The following ADARB2 variants were observed in gnomAD, a reference collection of about 807,000 sequenced individuals.
ADARB2 encodes inactive double-stranded RNA-specific editase B2.
A neutral mutation model predicts 62.2 loss-of-function variants in ADARB2; 25 were observed. That is an observed-to-expected ratio of 0.40 (90% CI 0.29 to 0.56). The LOEUF (loss-of-function observed/expected upper bound fraction) is 0.56. Ranked by LOEUF, ADARB2 falls within the 20% of genes least tolerant of loss-of-function variation. The pLI is 0.43. For synonymous variants in ADARB2, 572 were observed against 500.8 expected (o/e 1.14, Z -1.90); for missense variants, 1,071 against 1,077.4 (o/e 0.99, Z 0.08).
At chr10:1,542,846 C>T (rs3106881) in intron 1 of ADARB2, among the ~76,000 whole-genome samples, 1,580 of 75,730 alleles carry the variant, frequency 0.021, 24 homozygotes, top group African/African-American at 0.093. Context: ...ATCACAGCCG[C>T]CCAGACCCCA....
At chr10:1,499,664 G>A (rs901871910) in intron 1 of ADARB2, among the ~76,000 whole-genome samples, 3 of 149,564 alleles carry the variant, frequency 2.0e-5, no homozygotes, top group Non-Finnish European at 3.0e-5. Context: ...CTCATTACTC[G>A]TCACTCACCC....
chr10:1,255,040 TA>T lies in ADARB2; in HGVS notation c.1193-12742del, dbSNP rs1429871327. On this transcript the variant is annotated intron_variant, in intron 4 of 9. Transcript: ENST00000381312. This position sits in a 1 kb window ranked among gnomAD's most constrained non-coding sequence, Gnocchi z 4.7. ...AATCACATACTCATTAATTTCCTTATAAAATGCTCCCAGAGGACATGCCACC... is the reference window on the plus strand; with the variant it reads ...AATCACATACTCATTAATTTCCTTATAAATGCTCCCAGAGGACATGCCACC... Among the ~76,000 whole-genome samples the T allele has an allele frequency of 6.6e-6, 1 of 152,184 alleles. No homozygotes were observed. The highest frequency in any genetic ancestry group is 1.9e-4 in the East Asian group (1 of 5,200).
intron 1 of ADARB2, among the ~76,000 whole-genome samples, chr10:1,572,966 C>T (rs958683637): frequency 5.3e-5 from 8 of 152,254 alleles, no homozygotes; most frequent in African/African-American, 1.4e-4. Flanking sequence ...TTCTCCACAT[C>T]CACTGCCCCC....
At chr10:1,346,094 C>G (rs954155588) in intron 3 of ADARB2, among the ~76,000 whole-genome samples, 1 of 152,174 alleles carries the variant, frequency 6.6e-6, no homozygotes, top group Non-Finnish European at 1.5e-5. Flanking sequence ...TGTATAGTAA[C>G]TGTTGTTCTG....
At chr10:1,396,272 C>T (rs899654179) in intron 1 of ADARB2, among the ~76,000 whole-genome samples, 2 of 152,132 alleles carry the variant, frequency 1.3e-5, no homozygotes, top group Non-Finnish European at 1.5e-5. Context: ...AGAGTGCTGC[C>T]GGACTGAACT....
At chr10:1,285,442 A>G (rs1349239129) in intron 3 of ADARB2, among the ~76,000 whole-genome samples, 1 of 152,172 alleles carries the variant, frequency 6.6e-6, no homozygotes, top group East Asian at 1.9e-4. Flanking sequence ...GGTTTAAGAT[A>G]CCCAGCCTTG....
At chr10:1,225,799 C>A (rs1024383840) in intron 6 of ADARB2, among the ~76,000 whole-genome samples, 1 of 151,870 alleles carries the variant, frequency 6.6e-6, no homozygotes, top group Admixed American at 6.6e-5. Context: ...CTGATGGGGT[C>A]CCTTTGTGGG....
At chr10:1,220,069 GTGATGGTGA>G (rs1830673390) in intron 6 of ADARB2, among the ~76,000 whole-genome samples, 1 of 146,030 alleles carries the variant, frequency 6.8e-6, no homozygotes, top group African/African-American at 2.6e-5. Context: ...GGTGATGATG[GTGATGGTGA>G]TGATGGTGGT....
At chr10:1,372,375 TA>T (rs1264164966) in intron 2 of ADARB2, among the ~76,000 whole-genome samples, 1 of 152,162 alleles carries the variant, frequency 6.6e-6, no homozygotes, top group Non-Finnish European at 1.5e-5. Context: ...ACTATTTGGG[TA>T]ATGGGTACAC....
chr10:1,428,509 G>C (rs1365431991), intron 1 of ADARB2, among the ~76,000 whole-genome samples: 1 of 151,274 alleles, frequency 6.6e-6, no homozygotes, highest in African/African-American at 2.4e-5. Context: ...GGATGGTCTC[G>C]ATCTCCTGAC....
chr10:1,262,101 A>G (rs1396138894), intron 4 of ADARB2, among the ~76,000 whole-genome samples: 1 of 128,776 alleles, frequency 7.8e-6, no homozygotes, highest in African/African-American at 3.2e-5. Flanking sequence ...ATGAGATCCC[A>G]TGGACACAGG....
chr10:1,244,358 C>T (rs188674108), intron 4 of ADARB2, among the ~76,000 whole-genome samples: 182 of 152,366 alleles, frequency 1.2e-3, no homozygotes, highest in African/African-American at 4.1e-3. Flanking sequence ...TGTTCACGAC[C>T]GGTGCGCATG....
At chr10:1,524,912 A>G (rs7905434) in intron 1 of ADARB2, among the ~76,000 whole-genome samples, 49,423 of 152,036 alleles carry the variant, frequency 0.33, 8,939 homozygotes, top group Non-Finnish European at 0.42. Flanking sequence ...GGATAGTCCA[A>G]TCTATGTCTG....
At chr10:1,324,965 G>A (rs897403466) in intron 3 of ADARB2, among the ~76,000 whole-genome samples, 6 of 152,208 alleles carry the variant, frequency 3.9e-5, no homozygotes, top group African/African-American at 1.4e-4. Context: ...ACTACTGAGG[G>A]ACACTGGGCA....
intron 1 of ADARB2, among the ~76,000 whole-genome samples, chr10:1,503,352 A>G (rs75318385): frequency 1.4e-5 from 2 of 139,890 alleles, no homozygotes; most frequent in African/African-American, 2.7e-5. Flanking sequence ...ATACCCAGCT[A>G]TTTTTTTTTT....
At chr10:1,293,664 T>G (rs1354696564) in intron 3 of ADARB2, among the ~76,000 whole-genome samples, 1 of 152,272 alleles carries the variant, frequency 6.6e-6, no homozygotes, top group Non-Finnish European at 1.5e-5. Flanking sequence ...AAGCTTCCTC[T>G]GGAGATGTGT....
chr10:1,286,900 C>T, intron 3 of ADARB2, among the ~76,000 whole-genome samples: 1 of 152,194 alleles, frequency 6.6e-6, no homozygotes, highest in East Asian at 1.9e-4. Context: ...ATACCAGCTG[C>T]TGTTGTTATT....
At chr10:1,623,456 A>T (rs1440242680) in intron 1 of ADARB2, among the ~76,000 whole-genome samples, 9 of 152,350 alleles carry the variant, frequency 5.9e-5, no homozygotes, top group Non-Finnish European at 2.9e-5. Context: ...GTAAGAATAT[A>T]AACTGTTGTT....
intron 1 of ADARB2, among the ~76,000 whole-genome samples, chr10:1,394,306 T>C (rs1832593224): frequency 6.6e-6 from 1 of 152,206 alleles, no homozygotes; most frequent in South Asian, 2.1e-4. Flanking sequence ...CTTGTTCCTC[T>C]GATCCACTTA....
Sources: allele counts gnomAD v4.1 joint callset (sites outside exome capture counted in the v4.1 genomes callset), GRCh38; gene constraint gnomAD v4.1.1; non-coding constraint Gnocchi (gnomAD v3.1); transcripts MANE v1.5; gene names NCBI Gene and HGNC (gene_info 2026-07-23, HGNC 2026-07-21).